Variants in GRM7 observed in about 807,000 individuals in gnomAD.
The protein encoded by GRM7 is glutamate metabotropic receptor 7, also known as metabotropic glutamate receptor 7.
Under a neutral mutation model 84.5 loss-of-function variants are expected in GRM7, and 35 were observed. The ratio of observed to expected loss-of-function variants is 0.41; its 90% CI spans 0.32 to 0.55. The LOEUF is 0.55. Among genes scored for constraint, GRM7 ranks in the 20% least tolerant of loss-of-function variants. The pLI is 0.19. For missense variants in GRM7, 1,003 were observed against 1,194.6 expected (o/e 0.84, Z 2.36); for synonymous variants, 487 against 455.1 (o/e 1.07, Z -0.89).
chr3:7,348,123 T>C (rs1365849022), intron 4 of GRM7, among the ~76,000 whole-genome samples: 2 of 152,160 alleles, frequency 1.3e-5, no homozygotes, highest in Admixed American at 1.3e-4. Flanking sequence ...CCCTCAAACA[T>C]AAGCAGTGAC....
intron 1 of GRM7, among the ~76,000 whole-genome samples, chr3:7,048,826 T>C (rs1030448229): frequency 7.9e-5 from 12 of 152,072 alleles, no homozygotes; most frequent in African/African-American, 1.9e-4. Flanking sequence ...GAACTTATTC[T>C]TCCTGTCTAA....
intron 1 of GRM7, chr3:6,893,070 T>G (rs1331397027): frequency 6.6e-6 from 1 of 152,154 alleles, no homozygotes; most frequent in Non-Finnish European, 1.5e-5. Context: ...GCATATCATC[T>G]TAATAACCAT....
At chr3:7,259,517 C>T (rs1575091923) in intron 2 of GRM7, among the ~76,000 whole-genome samples, 1 of 152,144 alleles carries the variant, frequency 6.6e-6, no homozygotes, top group South Asian at 2.1e-4. Flanking sequence ...TTAGCCCCCA[C>T]TTATAAGTGA....
chr3:7,076,872 A>T (rs767411314), intron 1 of GRM7, among the ~76,000 whole-genome samples: 2 of 152,204 alleles, frequency 1.3e-5, no homozygotes, highest in Non-Finnish European at 2.9e-5. Flanking sequence ...AAGGAACTTA[A>T]ATTTACAAGA....
chr3:6,897,195 A>T lies in GRM7; in HGVS notation c.519+35288A>T, dbSNP rs563386003. Reference sequence around the variant, plus strand: ...CCCTAAAAGTTCTGTACCTCATACTATTGAACAGCTTCTTTAGTTATTGTG... The same window carrying T: ...CCCTAAAAGTTCTGTACCTCATACTTTTGAACAGCTTCTTTAGTTATTGTG... On this transcript the variant is annotated intron_variant, in intron 1 of 9. Transcript: ENST00000357716. Among the ~76,000 whole-genome samples the T allele has an allele frequency of 2.0e-5, 3 of 152,200 alleles. No individual in the cohort carries two copies. In the East Asian group the frequency reaches 5.8e-4, roughly 29 times the overall value.
chr3:7,191,717 A>T (rs1260955984), intron 2 of GRM7, among the ~76,000 whole-genome samples: 1 of 151,198 alleles, frequency 6.6e-6, no homozygotes. Context: ...AATAGATCAG[A>T]TGTGGCCAGA....
rs370041774 is a variant in GRM7, at chr3:7,262,519, T to C, written c.737-36165T>C. 5.8e-4 allele frequency among the ~76,000 whole-genome samples: 88 copies of C among 152,330 alleles called. 5 individuals carry two copies. In the South Asian group the frequency reaches 0.014, roughly 24 times the overall value. ...TTCGGTATCATTTTATTGCAATTCT[T>C]AGCTCCCCTGGATTGAGTTTCAGTG... On this transcript the variant is annotated intron_variant, in intron 2 of 9. Coordinates refer to ENST00000357716, the MANE Select transcript of GRM7 (RefSeq NM_000844.4).
chr3:6,967,602 A>G (rs368653744), intron 1 of GRM7, among the ~76,000 whole-genome samples: 4 of 152,226 alleles, frequency 2.6e-5, no homozygotes, highest in East Asian at 3.8e-4. Flanking sequence ...AAATTATCAT[A>G]TATTTTCAGT....
chr3:7,422,053 C>T (rs1696418974), intron 5 of GRM7, among the ~76,000 whole-genome samples: 1 of 151,942 alleles, frequency 6.6e-6, no homozygotes, highest in Non-Finnish European at 1.5e-5. Context: ...TGTGATCATG[C>T]CACTGCACTC....
intron 1 of GRM7, among the ~76,000 whole-genome samples, chr3:7,089,650 T>C (rs1338942527): frequency 6.6e-6 from 1 of 152,150 alleles, no homozygotes; most frequent in Non-Finnish European, 1.5e-5. Context: ...ACATGTGAAT[T>C]GTCTTAAAAA....
chr3:7,199,302 C>G (rs763926616), intron 2 of GRM7, among the ~76,000 whole-genome samples: 11 of 152,130 alleles, frequency 7.2e-5, no homozygotes, highest in Non-Finnish European at 1.5e-4. Flanking sequence ...ATCTGGATGA[C>G]CAGATATATG....
intron 4 of GRM7, among the ~76,000 whole-genome samples, chr3:7,321,390 C>T (rs985529177): frequency 2.0e-5 from 3 of 151,908 alleles, no homozygotes; most frequent in Non-Finnish European, 2.9e-5. Context: ...TTGATGAAAT[C>T]AATGAATATA....
In GRM7 at chr3:7,514,809, G is replaced by T. The variant is rs543649691; in HGVS notation, c.1515+53087G>T. Among the ~76,000 whole-genome samples, 7 of 152,302 alleles carry T rather than the reference G, an allele frequency of 4.6e-5. No individual in the cohort carries two copies. The East Asian group carries it at 1.3e-3, about 29-fold the overall frequency. On this transcript the variant is annotated intron_variant, in intron 7 of 9. Coordinates refer to ENST00000357716, the MANE Select transcript of GRM7 (RefSeq NM_000844.4). The stretch of plus-strand genomic sequence containing the variant: ...CAGTGACGCACTGTGGAGCTCAGTA[G>T]AATACTTTCCATAAAGCGCAGGTGC...
intron 1 of GRM7, among the ~76,000 whole-genome samples, chr3:6,998,118 T>TAAAAAAAAAAAAAAAAAAA (rs1694884902): frequency 1.1e-3 from 1 of 874 alleles, no homozygotes; most frequent in South Asian, 0.17. Flanking sequence ...AATCTCCATC[T>TAAAAAAAAAAAAAAAAAAA]CAAAAAAAAA....
chr3:7,207,012 A>G (rs977168370), intron 2 of GRM7, among the ~76,000 whole-genome samples: 19 of 152,172 alleles, frequency 1.2e-4, no homozygotes, highest in Admixed American at 1.1e-3. Context: ...GACAGTTTGG[A>G]TGGAAATAAG....
At position 7,592,537 on chromosome 3, in the gene GRM7, C is replaced by G. The variant is rs145007714; in HGVS notation, c.2451+13180C>G. On this transcript the variant is annotated intron_variant, in intron 8 of 9. Coordinates refer to ENST00000357716, the MANE Select transcript of GRM7 (RefSeq NM_000844.4). ...AGCCTGGAGGACAGGTGGCAGGGCA[C>G]CAGCGCATGCAGAATCAGACTGGAC... 1.5e-3 allele frequency among the ~76,000 whole-genome samples: 221 copies of G among 152,178 alleles called. 1 individual carries two copies. Among genetic ancestry groups the G allele is most frequent in the African/African-American group, 4.8e-3 (200 of 41,510 alleles).
intron 1 of GRM7, among the ~76,000 whole-genome samples, chr3:7,107,250 C>G (rs995536026): frequency 7.2e-5 from 11 of 152,026 alleles, no homozygotes; most frequent in African/African-American, 1.4e-4. Flanking sequence ...CCGGAGTATA[C>G]AGTCTAGTTT....
At chr3:7,196,823 G>A (rs2125110064) in intron 2 of GRM7, among the ~76,000 whole-genome samples, 1 of 151,838 alleles carries the variant, frequency 6.6e-6, no homozygotes, top group Middle Eastern at 3.4e-3. Flanking sequence ...CTTTTAATTT[G>A]GATTCTCCAT....
Position 7,499,348 on chromosome 3 carries a change from A to G in GRM7, c.1515+37626A>G, listed in dbSNP as rs77681141. ...TCTGGGTAGTCTCAAAGGCCCACCCAGTTTTAAACGGAGATGGCACAGATA... is the reference window on the plus strand; with the variant it reads ...TCTGGGTAGTCTCAAAGGCCCACCCGGTTTTAAACGGAGATGGCACAGATA... On this transcript the variant is annotated intron_variant, in intron 7 of 9. Transcript: ENST00000357716. Among the ~76,000 whole-genome samples the G allele has an allele frequency of 4.9e-3, 751 of 152,288 alleles. 3 individuals carry two copies. Among genetic ancestry groups the G allele is most frequent in the Middle Eastern group, 0.044 (13 of 294 alleles).
Sources: gnomAD v4.1 joint callset for allele counts (sites outside exome capture counted in the v4.1 genomes callset) on GRCh38, gnomAD v4.1.1 for gene constraint, MANE v1.5 for transcripts, NCBI Gene and HGNC (gene_info 2026-07-23, HGNC 2026-07-21) for gene names.